ABCA13: variants seen among roughly 807,000 people sequenced by gnomAD.
The protein encoded by ABCA13 is ATP binding cassette subfamily A member 13.
Under a neutral mutation model 478.7 loss-of-function variants are expected in ABCA13, and 476 were observed. The observed-to-expected ratio is 0.99, with a 90% confidence interval of 0.92 to 1.07. The LOEUF (loss-of-function observed/expected upper bound fraction) is 1.07. Ranked by LOEUF, ABCA13 falls within the 50% of genes least tolerant of loss-of-function variation. The pLI is 0.00. For synonymous variants in ABCA13, 2,252 were observed against 2,158.9 expected, an observed-to-expected ratio of 1.04 and a Z score of -1.20; for missense variants, 6,060 against 5,910.6, an observed-to-expected ratio of 1.03 and a Z score of -0.83.
chr7:48,275,753 C>A lies in ABCA13; in HGVS notation c.6087C>A (p.Leu2029=). Residue 2029 remains leucine (L), a synonymous_variant, in exon 17 of 62, where the codon CTC becomes CTA. Transcript: ENST00000435803. ...ATCTACTCTCTTTATTCATGATGCTCCAGAATGCAAATGTCACAGGTAGCA... is the reference window on the plus strand; with the variant it reads ...ATCTACTCTCTTTATTCATGATGCTACAGAATGCAAATGTCACAGGTAGCA... The part of the protein sequence containing the change: ...THNLLSLFMM[L]QNANVTGSSL... The A allele has an allele frequency of 1.2e-6, 2 of 1,609,360 alleles. No individual in the cohort carries two copies. Among genetic ancestry groups the A allele is most frequent in the South Asian group, 2.2e-5 (2 of 90,418 alleles).
intron 27 of ABCA13, among the ~76,000 whole-genome samples, chr7:48,333,717 G>A (rs144894635): frequency 0.018 from 2,751 of 152,312 alleles, 32 homozygotes; most frequent in Admixed American, 0.023. Flanking sequence ...TGAAAGGACA[G>A]ATGAGATTTC....
chr7:48,514,185 G>A (rs1306729906), intron 51 of ABCA13, among the ~76,000 whole-genome samples: 2 of 151,692 alleles, frequency 1.3e-5, no homozygotes, highest in East Asian at 3.9e-4. Context: ...ATTGCTGGAT[G>A]TGGAGATGCT....
intron 42 of ABCA13, among the ~76,000 whole-genome samples, chr7:48,431,287 A>C (rs1822109180): frequency 6.6e-6 from 1 of 151,980 alleles, no homozygotes; most frequent in South Asian, 2.1e-4. Context: ...GGTTGCCTTG[A>C]GCCTAGATCA....
intron 56 of ABCA13, among the ~76,000 whole-genome samples, chr7:48,585,226 A>G (rs549685488): frequency 2.0e-5 from 3 of 152,320 alleles, no homozygotes; most frequent in African/African-American, 7.2e-5. Flanking sequence ...TTTAAAATTC[A>G]CTTAAGTGAA....
chr7:48,576,505 G>A (rs1788203898), intron 55 of ABCA13, among the ~76,000 whole-genome samples: 1 of 152,136 alleles, frequency 6.6e-6, no homozygotes, highest in African/African-American at 2.4e-5. Flanking sequence ...AGAAAGACCA[G>A]CCCAAAGGGG....
chr7:48,189,117 T>G (rs1436460374), intron 1 of ABCA13, among the ~76,000 whole-genome samples: 5 of 152,192 alleles, frequency 3.3e-5, no homozygotes, highest in African/African-American at 9.7e-5. Flanking sequence ...AAGTGCCAGT[T>G]TCTGCTTCTG....
At chr7:48,197,143 G>A (rs990566752) in intron 2 of ABCA13, among the ~76,000 whole-genome samples, 31 of 152,316 alleles carry the variant, frequency 2.0e-4, no homozygotes, top group Admixed American at 7.2e-4. Context: ...GTTTGGGCAG[G>A]CTGCACATGC....
At chr7:48,474,041 C>CT (rs903438401) in intron 45 of ABCA13, among the ~76,000 whole-genome samples, 6 of 151,412 alleles carry the variant, frequency 4.0e-5, no homozygotes, top group South Asian at 2.1e-4. Flanking sequence ...GATCAGTTAT[C>CT]TTTTTTTTTA....
chr7:48,310,183 TCTGCTGTGGTGG>T, intron 24 of ABCA13, 42 bp downstream of exon 24: 1 of 1,562,490 alleles, frequency 6.4e-7, no homozygotes, highest in Non-Finnish European at 8.7e-7. Flanking sequence ...TCTGCAGGAC[TCTGCTGTGGTGG>T]CTGCAGATAA....
chr7:48,643,510 C>A, intron 60 of ABCA13, 117 bp downstream of exon 60: 1 of 884,154 alleles, frequency 1.1e-6, no homozygotes, highest in Non-Finnish European at 1.8e-6. Context: ...TTACCTTAGC[C>A]ACATTGCAAA....
At chr7:48,293,816 G>A (rs1798929614) in intron 20 of ABCA13, among the ~76,000 whole-genome samples, 1 of 152,138 alleles carries the variant, frequency 6.6e-6, no homozygotes, top group African/African-American at 2.4e-5. Context: ...CGGATAAGAT[G>A]TCCATGAAAT....
In ABCA13 at chr7:48,281,887, A is replaced by AT. The variant is rs556319003; in HGVS notation, c.8836+441dup. Among the ~76,000 whole-genome samples, 12 of 152,198 alleles carry AT rather than the reference A, an allele frequency of 7.9e-5. No homozygotes were observed. In the East Asian group the frequency reaches 2.1e-3, roughly 27 times the overall value. ...ATTTCCTCCCTCTGCTACAGTCAAT[A>AT]TTTTTTGAAGATAGAAACTGTGTCA... is the stretch of plus-strand genomic sequence containing the variant. On this transcript the variant is annotated intron_variant, in intron 19 of 61. Coordinates refer to ENST00000435803, the MANE Select transcript of ABCA13 (RefSeq NM_152701.5).
chr7:48,287,037 G>A (rs937311463), intron 19 of ABCA13, among the ~76,000 whole-genome samples: 2 of 152,288 alleles, frequency 1.3e-5, no homozygotes, highest in East Asian at 1.9e-4. Flanking sequence ...TGGATTTATC[G>A]TGCGGTGGGA....
chr7:48,429,415 A>G (rs1471092212), intron 42 of ABCA13, among the ~76,000 whole-genome samples: 2 of 152,182 alleles, frequency 1.3e-5, no homozygotes, highest in Non-Finnish European at 2.9e-5. Context: ...ATTTCTCCAC[A>G]TTCTCCCAAC....
intron 20 of ABCA13, among the ~76,000 whole-genome samples, chr7:48,291,652 C>T (rs1453278647): frequency 1.3e-5 from 2 of 152,168 alleles, no homozygotes; most frequent in African/African-American, 2.4e-5. Context: ...TGTGGTTGCA[C>T]ACTAGTTCAT....
chr7:48,510,369 T>C (rs182082282), intron 50 of ABCA13, among the ~76,000 whole-genome samples: 103 of 152,148 alleles, frequency 6.8e-4, no homozygotes, highest in African/African-American at 2.3e-3. Flanking sequence ...GAACCAGGCG[T>C]GTGAGAGCCT....
At position 48,414,552 on chromosome 7, in the gene ABCA13, C is replaced by T. The variant is rs1218395849; in HGVS notation, c.12459+1969C>T. Among the ~76,000 whole-genome samples the T allele has an allele frequency of 2.0e-5, 3 of 149,538 alleles. No individual in the cohort carries two copies. In the East Asian group the frequency reaches 5.8e-4, roughly 29 times the overall value. Reference sequence around the variant, plus strand: ...TTAATAAAATAATACATATATATTACACATAATATACATATGTATACATAT... The same window carrying T: ...TTAATAAAATAATACATATATATTATACATAATATACATATGTATACATAT... On this transcript the variant is annotated intron_variant, in intron 41 of 61. Transcript: ENST00000435803.
At chr7:48,359,428 C>A (rs968974092) in intron 31 of ABCA13, among the ~76,000 whole-genome samples, 1 of 151,918 alleles carries the variant, frequency 6.6e-6, no homozygotes, top group Non-Finnish European at 1.5e-5. Context: ...CGGAAGGCAG[C>A]GGAGACAGAG....
chr7:48,480,299 G>GC (rs1424446408), intron 45 of ABCA13, among the ~76,000 whole-genome samples: 1 of 152,178 alleles, frequency 6.6e-6, no homozygotes, highest in Non-Finnish European at 1.5e-5. Context: ...TCAGCTAAAA[G>GC]CTTCCTCCCT....
Sources: allele counts gnomAD v4.1 joint callset (sites outside exome capture counted in the v4.1 genomes callset), GRCh38; gene constraint gnomAD v4.1.1; transcripts MANE v1.5; gene names NCBI Gene and HGNC (gene_info 2026-07-23, HGNC 2026-07-21).